The following IPO7 variants were observed in gnomAD, a reference collection of about 807,000 sequenced individuals.
IPO7 encodes importin-7.
IPO7 carries 13 observed loss-of-function variants against 136.4 expected under a neutral mutation model. That is an observed-to-expected ratio of 0.10 (90% CI 0.06 to 0.15). The LOEUF (loss-of-function observed/expected upper bound fraction) is 0.15, where lower values mean the gene tolerates loss of function less well. IPO7 is among the 10% of genes least tolerant of loss of function. The pLI is 1.00. For synonymous variants in IPO7, 403 were observed against 404.4 expected (o/e 1.00, Z 0.04); for missense variants, 857 against 1,240.6 (o/e 0.69, Z 4.65).
In IPO7 at chr11:9,387,691, C is replaced by T. The variant is rs571277444; in HGVS notation, c.84+2844C>T. Among the ~76,000 whole-genome samples the T allele has an allele frequency of 6.6e-5, 10 of 151,682 alleles. 1 individual carries two copies. The South Asian group carries it at 1.2e-3, about 19-fold the overall frequency. On this transcript the variant is annotated intron_variant, in intron 1 of 24. Transcript: ENST00000379719. ...TACTAAGAATACAAAATTAGCTGGG[C>T]GCGGTGGCGCATGCTTGTAATCCCA...
intron 1 of IPO7, among the ~76,000 whole-genome samples, chr11:9,396,831 A>G (rs1854715836): frequency 6.6e-6 from 1 of 152,182 alleles, no homozygotes; most frequent in South Asian, 2.1e-4. Flanking sequence ...GTTGATGGGC[A>G]TACAGGTTGT....
chr11:9,432,893 G>T (rs1449808748), intron 16 of IPO7, among the ~76,000 whole-genome samples: 1 of 151,836 alleles, frequency 6.6e-6, no homozygotes, highest in Non-Finnish European at 1.5e-5. Context: ...CCTTCCTTCG[G>T]ATAATTTCTC....
chr11:9,439,734 C>CCGG (rs34703022), intron 22 of IPO7, among the ~76,000 whole-genome samples: 54,758 of 151,504 alleles, frequency 0.36, 10,347 homozygotes, highest in Non-Finnish European at 0.43. Context: ...TGCCACCACA[C>CCGG]CGGCTAATTT....
intron 8 of IPO7, among the ~76,000 whole-genome samples, chr11:9,422,382 T>C (rs1855145807): frequency 6.6e-6 from 1 of 151,976 alleles, no homozygotes; most frequent in Non-Finnish European, 1.5e-5. Flanking sequence ...TTGGTGCAAA[T>C]ACTCATTTAC....
chr11:9,389,023 C>G (rs1040587781), intron 1 of IPO7, among the ~76,000 whole-genome samples: 2 of 151,490 alleles, frequency 1.3e-5, no homozygotes, highest in Admixed American at 6.6e-5. Context: ...TAGGCTTTAG[C>G]TCTTTTATTT....
intron 1 of IPO7, among the ~76,000 whole-genome samples, chr11:9,395,364 C>T (rs900550194): frequency 2.0e-5 from 3 of 152,124 alleles, no homozygotes; most frequent in Non-Finnish European, 4.4e-5. Context: ...CAGCCTCAGC[C>T]TCCTGAGTAG....
chr11:9,424,876 T>C, intron 10 of IPO7, 38 bp from the exon 11 acceptor site: 1 of 1,218,886 alleles, frequency 8.2e-7, no homozygotes, highest in Non-Finnish European at 1.2e-6. Context: ...GTTGAAGAAA[T>C]TAATGTTTAT....
At chr11:9,388,007 C>T (rs1204871521) in intron 1 of IPO7, among the ~76,000 whole-genome samples, 4 of 148,098 alleles carry the variant, frequency 2.7e-5, no homozygotes, top group Non-Finnish European at 4.5e-5. Context: ...ATTAGCTGGG[C>T]GTGGTGGCGC....
At chr11:9,433,234 C>T (rs906679874) in intron 16 of IPO7, 16 of 228,624 alleles carry the variant, frequency 7.0e-5, no homozygotes, top group Admixed American at 5.3e-5. Context: ...GATCCACCCA[C>T]CTTGGCTTCC....
intron 6 of IPO7, among the ~76,000 whole-genome samples, chr11:9,418,314 C>A (rs553747096): frequency 3.4e-4 from 52 of 152,044 alleles, no homozygotes; most frequent in African/African-American, 1.2e-3. Flanking sequence ...TGTGATCCAC[C>A]CGCCTCAGCC....
Position 9,438,048 on chromosome 11 carries a change from T to TG in IPO7, c.2490-32_2490-31insG. 3.6e-5 allele frequency: 11 copies of TG among 305,864 alleles called. No homozygotes were observed. The Admixed American group carries it at 3.8e-4, about 11-fold the overall frequency. 18.9% of individuals were successfully genotyped at this position (305,864 alleles called of 1,614,324 possible). On this transcript the variant is annotated intron_variant, in intron 21 of 24. Transcript: ENST00000379719. ...GCTTATTTAAGAAAAGAAAACAGTT[T>TG]TTTTTTTTTTTTTTTTTTTTTTTTT...
intron 1 of IPO7, among the ~76,000 whole-genome samples, chr11:9,391,987 C>T (rs1477770836): frequency 6.6e-6 from 1 of 151,852 alleles, no homozygotes; most frequent in Non-Finnish European, 1.5e-5. Flanking sequence ...GCCTTGACTC[C>T]CAAGTGCTAG....
chr11:9,437,463 C>T (rs1565004152), intron 20 of IPO7, among the ~76,000 whole-genome samples: 1 of 151,788 alleles, frequency 6.6e-6, no homozygotes, highest in African/African-American at 2.4e-5. Flanking sequence ...ACTGTGTTAG[C>T]CAGGATGGTC....
chr11:9,418,316 G>A (rs943515729), intron 6 of IPO7, among the ~76,000 whole-genome samples: 2 of 148,750 alleles, frequency 1.3e-5, no homozygotes, highest in South Asian at 2.2e-4. Flanking sequence ...TGATCCACCC[G>A]CCTCAGCCTC....
chr11:9,438,122 T>G lies in IPO7; in HGVS notation c.2532T>G (p.Leu844=). ...RKMCVLGLCA[L]IDMEQIPQVL... is the part of the protein sequence containing the mutation. ...TGTGTGTTCTCGGACTCTGTGCTCT[T>G]ATTGATATGGAACAGATACCCCAAG... Residue 844 remains leucine (L), a synonymous_variant, in exon 22 of 25, where the codon CTT becomes CTG. Coordinates refer to ENST00000379719, the MANE Select transcript of IPO7 (RefSeq NM_006391.3). 6.2e-7 allele frequency: 1 copy of G among 1,608,634 alleles called. No homozygotes were observed. The highest frequency in any genetic ancestry group is 8.5e-7 in the Non-Finnish European group (1 of 1,178,746).
chr11:9,410,543 C>T (rs12279202), intron 4 of IPO7, among the ~76,000 whole-genome samples: 7,229 of 151,880 alleles, frequency 0.048, 240 homozygotes, highest in South Asian at 0.078. Flanking sequence ...TTCATGTGAT[C>T]TTCTTTAATC....
At chr11:9,434,093 T>G (rs1314993235) in intron 18 of IPO7, among the ~76,000 whole-genome samples, 1 of 151,880 alleles carries the variant, frequency 6.6e-6, no homozygotes. Flanking sequence ...CCGGCTAATT[T>G]TGTATTTTTA....
Position 9,437,939 on chromosome 11 carries a change from T to C in IPO7, c.2454T>C (p.Ile818=), listed in dbSNP as rs1855402777. The C allele has an allele frequency of 6.2e-7, 1 of 1,613,706 alleles. No individual in the cohort carries two copies. The highest frequency in any genetic ancestry group is 1.7e-5 in the Admixed American group (1 of 60,000). The change falls in exon 21 of 25, where the codon ATT becomes ATC. Residue 818 remains isoleucine, a synonymous_variant. Transcript: ENST00000379719. ...TTGAACCAGTTACAAATCATTTTAT[T>C]ACACAGTGGCTTAATGATGTTGACT... ...NNVEPVTNHF[I]TQWLNDVDCF...
chr11:9,418,220 T>C (rs1855069886), intron 6 of IPO7, among the ~76,000 whole-genome samples: 1 of 151,382 alleles, frequency 6.6e-6, no homozygotes, highest in South Asian at 2.1e-4. Context: ...CAGGTGCCTG[T>C]CACCATGCCT....
Sources: gnomAD v4.1 joint callset for allele counts (sites outside exome capture counted in the v4.1 genomes callset) on GRCh38, gnomAD v4.1.1 for gene constraint, MANE v1.5 for transcripts, NCBI Gene and HGNC (gene_info 2026-07-23, HGNC 2026-07-21) for gene names.